GRID1: variants seen among roughly 807,000 people sequenced by gnomAD.
GRID1 encodes glutamate ionotropic receptor delta type subunit 1.
In GRID1, 28 loss-of-function variants were observed where a neutral mutation model predicts 98.0. The observed-to-expected ratio is 0.29, with a 90% confidence interval of 0.21 to 0.39. The LOEUF (loss-of-function observed/expected upper bound fraction) is 0.39, where lower values mean the gene tolerates loss of function less well. Ranked by LOEUF, GRID1 falls within the 10% of genes least tolerant of loss-of-function variation. GRID1 has a pLI of 1.00. For synonymous variants in GRID1, 553 were observed against 538.5 expected (o/e 1.03, Z -0.37); for missense variants, 1,111 against 1,340.5 (o/e 0.83, Z 2.67).
chr10:86,227,384 GGCT>G (rs1458150003), intron 2 of GRID1, among the ~76,000 whole-genome samples: 6 of 152,122 alleles, frequency 3.9e-5, no homozygotes, highest in African/African-American at 1.2e-4. Context: ...AGTAGTGGGG[GGCT>G]GCAGCCCCAG....
intron 6 of GRID1, among the ~76,000 whole-genome samples, chr10:85,865,952 T>TAC: frequency 2.6e-5 from 2 of 78,308 alleles, no homozygotes; most frequent in African/African-American, 5.5e-5. Context: ...TACACATATA[T>TAC]ATGGAGAGAG....
At chr10:86,141,121 G>A (rs754839717) in intron 3 of GRID1, among the ~76,000 whole-genome samples, 6 of 152,108 alleles carry the variant, frequency 3.9e-5, no homozygotes, top group African/African-American at 4.8e-5. Flanking sequence ...CCCCAGGGCC[G>A]AGATGAAGTG....
intron 6 of GRID1, among the ~76,000 whole-genome samples, chr10:85,858,691 GA>G (rs1426588663): frequency 1.3e-5 from 2 of 152,150 alleles, no homozygotes; most frequent in African/African-American, 4.8e-5. Flanking sequence ...ACGATGGGAA[GA>G]TTTCTCTTCT....
chr10:86,088,755 T>G (rs563943834), intron 4 of GRID1, among the ~76,000 whole-genome samples: 3 of 152,074 alleles, frequency 2.0e-5, no homozygotes, highest in Admixed American at 6.5e-5. Context: ...GATTATTCAA[T>G]GAAGAGAAGA....
intron 10 of GRID1, among the ~76,000 whole-genome samples, chr10:85,725,061 GC>G (rs1841747308): frequency 6.7e-6 from 1 of 150,234 alleles, no homozygotes; most frequent in African/African-American, 2.5e-5. Context: ...TATCTTCTAG[GC>G]CTGTGTGCAT....
At chr10:85,671,699 G>A (rs1030181545) in intron 12 of GRID1, among the ~76,000 whole-genome samples, 1 of 152,192 alleles carries the variant, frequency 6.6e-6, no homozygotes, top group African/African-American at 2.4e-5. Flanking sequence ...TACACTTAGT[G>A]AGGAAGGGAT....
intron 4 of GRID1, among the ~76,000 whole-genome samples, chr10:85,935,767 G>A (rs1476533996): frequency 1.3e-5 from 2 of 152,188 alleles, no homozygotes; most frequent in African/African-American, 4.8e-5. Flanking sequence ...TATTTCGGAT[G>A]AGTAAACAGA....
chr10:86,138,870 G>A lies in GRID1; in HGVS notation c.675C>T (p.Arg225=), dbSNP rs759468975. 1.2e-5 allele frequency: 19 copies of A among 1,614,240 alleles called. No individual in the cohort carries two copies. The South Asian group carries it at 1.4e-4, about 12-fold the overall frequency. ...EELNRYRDTL[R]RAILLLSPQG... is the part of the protein sequence containing the mutation. ...GTGGGCTGAGCAGCAGGATGGCGCG[G>A]CGAAGCGTGTCCCGGTAGCGATTCA... The change falls in exon 4 of 16, where the codon CGC becomes CGT. Residue 225 remains arginine, a synonymous_variant. Coordinates refer to ENST00000327946, the MANE Select transcript of GRID1 (RefSeq NM_017551.3).
intron 4 of GRID1, among the ~76,000 whole-genome samples, chr10:86,064,915 T>G (rs1235881384): frequency 6.6e-6 from 1 of 152,202 alleles, no homozygotes. Flanking sequence ...CTCAGACCCA[T>G]GTGGCATCAT....
At chr10:86,209,679 G>A (rs770999079) in intron 2 of GRID1, among the ~76,000 whole-genome samples, 14 of 152,178 alleles carry the variant, frequency 9.2e-5, no homozygotes, top group Non-Finnish European at 1.0e-4. Context: ...AACAGCAATT[G>A]TATAAAATAA....
chr10:86,139,075 T>A, intron 3 of GRID1, 51 bp from the exon 4 acceptor site: 1 of 1,331,694 alleles, frequency 7.5e-7, no homozygotes, highest in Non-Finnish European at 1.1e-6. Flanking sequence ...TAAGTGGGAA[T>A]GCACCCGGGA....
At chr10:85,900,824 A>G (rs1000849845) in intron 5 of GRID1, among the ~76,000 whole-genome samples, 1 of 152,252 alleles carries the variant, frequency 6.6e-6, no homozygotes, top group Admixed American at 6.5e-5. Flanking sequence ...TGTATGACGA[A>G]TGAACAATAG....
intron 8 of GRID1, among the ~76,000 whole-genome samples, chr10:85,776,939 C>T (rs982604418): frequency 5.9e-5 from 9 of 152,170 alleles, no homozygotes; most frequent in Non-Finnish European, 1.3e-4. Flanking sequence ...GAGAGGCTAG[C>T]AAAGAAATGC....
intron 4 of GRID1, among the ~76,000 whole-genome samples, chr10:85,972,046 A>G (rs536730060): frequency 6.6e-6 from 1 of 152,292 alleles, no homozygotes; most frequent in Non-Finnish European, 1.5e-5. Flanking sequence ...AACAGACACA[A>G]CAACATGGGA....
At chr10:86,364,716 C>G (rs1482021770) in intron 1 of GRID1, among the ~76,000 whole-genome samples, 1 of 152,242 alleles carries the variant, frequency 6.6e-6, no homozygotes, top group East Asian at 1.9e-4. Context: ...CTCCTACTCT[C>G]CATCCTTCCC....
chr10:85,724,240 A>T lies in GRID1; in HGVS notation c.1858+112T>A. 6.8e-6 allele frequency: 5 copies of T among 739,918 alleles called. No homozygotes were observed. In the South Asian group the frequency reaches 9.3e-5, roughly 14 times the overall value. 45.8% of individuals were successfully genotyped at this position (739,918 alleles called of 1,614,324 possible). On this transcript the variant is annotated intron_variant, in intron 11 of 15. Transcript: ENST00000327946. ...GACATTTGTACTGTCCTAGAGATTA[A>T]GTAAAATTGCATTTGGAATGACTTT...
At position 85,836,901 on chromosome 10, in the gene GRID1, C is replaced by T. The variant is rs374421903; in HGVS notation, c.1233+17595G>A. The stretch of plus-strand genomic sequence containing the variant: ...TAGCTTCTGCACCAGAGGACCAAGC[C>T]CGACAGGTGGAGAGCTCCAATGAAG... On this transcript the variant is annotated intron_variant, in intron 8 of 15. Transcript: ENST00000327946. Among the ~76,000 whole-genome samples the T allele has an allele frequency of 3.4e-4, 52 of 152,236 alleles. No individual in the cohort carries two copies. The East Asian group carries it at 5.4e-3, about 16-fold the overall frequency.
intron 8 of GRID1, among the ~76,000 whole-genome samples, chr10:85,772,079 T>A (rs11498991): frequency 0.022 from 3,325 of 151,826 alleles, 116 homozygotes; most frequent in African/African-American, 0.076. Flanking sequence ...GAAGGAGAGC[T>A]CTCCTCAGCA....
chr10:86,192,903 T>C lies in GRID1; in HGVS notation c.520+13461A>G, dbSNP rs1004616656. ...CCTCCCAGAGCCTGAGTCCCAGGCC[T>C]AAGGCTCCACTGTGTGTGGGTCCCT... On this transcript the variant is annotated intron_variant, in intron 3 of 15. Transcript: ENST00000327946. This position sits in a 1 kb window ranked among gnomAD's most constrained non-coding sequence, Gnocchi z 4.8. Among the ~76,000 whole-genome samples, 1 of 151,940 alleles carries C rather than the reference T, an allele frequency of 6.6e-6. No homozygotes were observed. Among genetic ancestry groups the C allele is most frequent in the Non-Finnish European group, 1.5e-5 (1 of 67,902 alleles).
Sources: gnomAD v4.1 joint callset for allele counts (sites outside exome capture counted in the v4.1 genomes callset) on GRCh38, gnomAD v4.1.1 for gene constraint, Gnocchi (gnomAD v3.1) non-coding constraint, MANE v1.5 for transcripts, NCBI Gene and HGNC (gene_info 2026-07-23, HGNC 2026-07-21) for gene names.